Variants in CACNA1C observed in about 807,000 individuals in gnomAD.
CACNA1C encodes calcium voltage-gated channel subunit alpha1 C, also known as voltage-dependent L-type calcium channel subunit alpha-1C.
In CACNA1C, 30 loss-of-function variants were observed where a neutral mutation model predicts 229.0. The observed-to-expected ratio is 0.13, with a 90% CI of 0.10 to 0.18. The LOEUF is 0.18. CACNA1C is among the 10% of genes least tolerant of loss of function. CACNA1C has a pLI of 1.00. For missense variants in CACNA1C, 1,658 were observed against 2,845.0 expected, an observed-to-expected ratio of 0.58 and a Z score of 9.49; for synonymous variants, 1,114 against 1,132.5, an observed-to-expected ratio of 0.98 and a Z score of 0.33.
rs12311439 is a variant in CACNA1C, at chr12:2,285,615, A to T, written c.478-163361A>T. 0.25 allele frequency among the ~76,000 whole-genome samples: 37,669 copies of T among 152,134 alleles called. 5,652 individuals carry two copies. Among genetic ancestry groups the T allele is most frequent in the Non-Finnish European group, 0.34 (22,983 of 67,964 alleles). On this transcript the variant is annotated intron_variant, in intron 3 of 46. Coordinates refer to ENST00000399655, the MANE Select transcript of CACNA1C (RefSeq NM_000719.7). The surrounding 1 kb of genome is among the most constrained non-coding windows in gnomAD (Gnocchi z 4.2). Reference sequence around the variant, plus strand: ...GGACTCTGCTGTGCCGCAGAGCTGGAATCACTCAAAGCAGAGTGATGGACG... The same window carrying T: ...GGACTCTGCTGTGCCGCAGAGCTGGTATCACTCAAAGCAGAGTGATGGACG...
At chr12:2,594,276 A>G (rs1016628612) in intron 19 of CACNA1C, among the ~76,000 whole-genome samples, 1 of 152,188 alleles carries the variant, frequency 6.6e-6, no homozygotes, top group Non-Finnish European at 1.5e-5. Flanking sequence ...ATGTTTAAAT[A>G]TTGCTTCTTT....
At position 1,971,401 on chromosome 12, in the gene CACNA1C, A is replaced by G. The variant is rs141733387; in HGVS notation, c.139+200A>G. 5.0e-3 allele frequency among the ~76,000 whole-genome samples: 762 copies of G among 152,222 alleles called. 3 individuals carry two copies. The highest frequency in any genetic ancestry group is 0.027 in the Middle Eastern group (8 of 294). ...TTATGCCGTTCTTTGGAAATTCTCA[A>G]TTGAAAAAAAGTGATGTTTGAGGCA... On this transcript the variant is annotated intron_variant, in intron 1 of 46. Coordinates refer to the CACNA1C transcript ENST00000682462. This position sits in a 1 kb window ranked among gnomAD's most constrained non-coding sequence, Gnocchi z 4.2.
chr12:2,419,895 G>C (rs574851523), intron 3 of CACNA1C, among the ~76,000 whole-genome samples: 3 of 152,112 alleles, frequency 2.0e-5, no homozygotes, highest in Non-Finnish European at 4.4e-5. Context: ...TGTCATCATG[G>C]GTGCCGGGGC....
intron 10 of CACNA1C, among the ~76,000 whole-genome samples, chr12:2,551,120 A>G (rs1249683367): frequency 1.3e-5 from 2 of 152,190 alleles, no homozygotes; most frequent in East Asian, 1.9e-4. Flanking sequence ...GGAAAGGCCT[A>G]TAGGAAGGCT....
chr12:2,529,147 T>A (rs1176101740), intron 9 of CACNA1C, among the ~76,000 whole-genome samples: 1 of 152,236 alleles, frequency 6.6e-6, no homozygotes, highest in Admixed American at 6.5e-5. Context: ...GTGAGGCAAG[T>A]TAGGTTTGGT....
chr12:2,003,146 GCTTGT>G (rs2042578512), intron 1 of CACNA1C, among the ~76,000 whole-genome samples: 1 of 151,996 alleles, frequency 6.6e-6, no homozygotes, highest in Non-Finnish European at 1.5e-5. Context: ...CCCCATTCTT[GCTTGT>G]CTTTTTATTT....
intron 3 of CACNA1C, among the ~76,000 whole-genome samples, chr12:2,188,526 A>G (rs549983403): frequency 6.6e-6 from 1 of 152,276 alleles, no homozygotes; most frequent in African/African-American, 2.4e-5. Flanking sequence ...CTTATAGGAT[A>G]TAAGAGTTGA....
chr12:2,617,346 G>A (rs562605681), intron 29 of CACNA1C, among the ~76,000 whole-genome samples: 9 of 152,298 alleles, frequency 5.9e-5, no homozygotes, highest in African/African-American at 1.7e-4. Context: ...GCCTTGCCCC[G>A]GTCTCACTGA....
chr12:2,216,490 TG>T (rs1434239308), intron 3 of CACNA1C, among the ~76,000 whole-genome samples: 2 of 152,154 alleles, frequency 1.3e-5, no homozygotes, highest in Non-Finnish European at 2.9e-5. Context: ...GGCAATTGAC[TG>T]GTTATCAAAC....
At chr12:2,199,315 C>A in intron 3 of CACNA1C, among the ~76,000 whole-genome samples, 1 of 152,164 alleles carries the variant, frequency 6.6e-6, no homozygotes, top group East Asian at 1.9e-4. Context: ...TCTGCCACCC[C>A]TGAGATGGCA....
chr12:2,482,716 T>C (rs149781248), intron 5 of CACNA1C, among the ~76,000 whole-genome samples: 4 of 152,278 alleles, frequency 2.6e-5, no homozygotes, highest in African/African-American at 9.6e-5. Context: ...TCACTACCTC[T>C]TAAAGCACCC....
At chr12:2,320,126 C>T (rs1001323237) in intron 3 of CACNA1C, among the ~76,000 whole-genome samples, 3 of 152,160 alleles carry the variant, frequency 2.0e-5, no homozygotes, top group Non-Finnish European at 4.4e-5. Context: ...GGATAAGCCA[C>T]AGTGTTACTG....
chr12:2,531,601 G>C (rs79506853), intron 9 of CACNA1C, among the ~76,000 whole-genome samples: 1 of 152,314 alleles, frequency 6.6e-6, no homozygotes, highest in East Asian at 1.9e-4. Flanking sequence ...TTTGCAAAGA[G>C]ACGCTTCTCC....
intron 1 of CACNA1C, among the ~76,000 whole-genome samples, chr12:2,031,569 G>A (rs910834695): frequency 2.0e-5 from 3 of 152,154 alleles, no homozygotes; most frequent in Non-Finnish European, 4.4e-5. Context: ...CTATGGACAT[G>A]AAGCTTGAAA....
rs2059808450 is a variant in CACNA1C at position 2,215,735 on chromosome 12, CA to C, written c.477+95306del. 6.6e-6 allele frequency among the ~76,000 whole-genome samples: 1 copy of C among 152,212 alleles called. No individual in the cohort carries two copies. Among genetic ancestry groups the C allele is most frequent in the Admixed American group, 6.5e-5 (1 of 15,288 alleles). On this transcript the variant is annotated intron_variant, in intron 3 of 46. Transcript: ENST00000399655. The surrounding 1 kb of genome is among the most constrained non-coding windows in gnomAD (Gnocchi z 5.0). ...GTCCTTGGAGCTGCTGCCATGGCTT[CA>C]GCTTCCAGTACCCTGTTTGGAGGGC...
intron 14 of CACNA1C, among the ~76,000 whole-genome samples, chr12:2,582,312 T>G (rs1392407491): frequency 6.6e-6 from 1 of 152,168 alleles, no homozygotes; most frequent in Non-Finnish European, 1.5e-5. Flanking sequence ...CCCATCAAAT[T>G]TGTGATTTCA....
rs895810644 is a variant in CACNA1C, at chr12:2,677,564, G to T, written c.4957-169G>T. The T allele has an allele frequency of 6.7e-6, 5 of 742,974 alleles. No individual in the cohort carries two copies. Among genetic ancestry groups the T allele is most frequent in the African/African-American group, 1.7e-5 (1 of 57,278 alleles). 46.0% of individuals were successfully genotyped at this position (742,974 alleles called of 1,614,324 possible). ...TGGGCGAGTGGATTGTTCCATCAGA[G>T]GGCAGCCCAGCCCCCAGTTCACACA... On this transcript the variant is annotated intron_variant, in intron 40 of 46. Transcript: ENST00000399655. The surrounding 1 kb of genome is among the most constrained non-coding windows in gnomAD (Gnocchi z 7.4).
At chr12:2,664,061 AC>A (rs1014603702) in intron 34 of CACNA1C, among the ~76,000 whole-genome samples, 4 of 152,172 alleles carry the variant, frequency 2.6e-5, no homozygotes, top group African/African-American at 9.7e-5. Context: ...TATCTTAAGC[AC>A]CCTACAAACG....
rs572698136 is a variant in CACNA1C, at chr12:2,143,323, C to T, written c.477+22893C>T. ...CCTAAGTGCACAATGTTTGTAAAGT[C>T]GACAGTAGTGTCCTGTAATGTCCTA... On this transcript the variant is annotated intron_variant, in intron 3 of 46. Coordinates refer to ENST00000399655, the MANE Select transcript of CACNA1C (RefSeq NM_000719.7). Among the ~76,000 whole-genome samples the T allele has an allele frequency of 7.3e-5, 11 of 151,002 alleles. 1 individual carries two copies. In the South Asian group the frequency reaches 1.9e-3, roughly 26 times the overall value.
Sources: gnomAD v4.1 joint callset for allele counts (sites outside exome capture counted in the v4.1 genomes callset) on GRCh38, gnomAD v4.1.1 for gene constraint, Gnocchi (gnomAD v3.1) non-coding constraint, MANE v1.5 for transcripts, NCBI Gene and HGNC (gene_info 2026-07-23, HGNC 2026-07-21) for gene names.